Variants in LRRC49 observed in about 807,000 individuals in gnomAD.
The protein encoded by LRRC49 is leucine-rich repeat-containing protein 49.
LRRC49 carries 50 observed loss-of-function variants against 83.3 expected under a neutral mutation model. The ratio of observed to expected loss-of-function variants is 0.60; its 90% CI spans 0.48 to 0.76. The LOEUF (loss-of-function observed/expected upper bound fraction) is 0.76, where lower values mean the gene tolerates loss of function less well. Among genes scored for constraint, LRRC49 ranks in the 30% least tolerant of loss-of-function variants. LRRC49 has a pLI of 0.00. For synonymous variants in LRRC49, 286 were observed against 283.3 expected (o/e 1.01, Z -0.10); for missense variants, 704 against 809.1 (o/e 0.87, Z 1.58).
intron 15 of LRRC49, among the ~76,000 whole-genome samples, chr15:71,040,926 G>A (rs1372996475): frequency 6.6e-6 from 1 of 151,866 alleles, no homozygotes; most frequent in African/African-American, 2.4e-5. Context: ...GCAGGGAACT[G>A]CAAGAAGCTT....
intron 6 of LRRC49, among the ~76,000 whole-genome samples, chr15:70,915,648 T>C (rs2034742456): frequency 6.6e-6 from 1 of 152,228 alleles, no homozygotes; most frequent in Non-Finnish European, 1.5e-5. Context: ...CAGTATCTAT[T>C]TTCCTTTTTA....
At chr15:70,883,857 T>C (rs796298865) in intron 2 of LRRC49, among the ~76,000 whole-genome samples, 4 of 151,986 alleles carry the variant, frequency 2.6e-5, no homozygotes, top group African/African-American at 9.6e-5. Flanking sequence ...TGTTTCACCA[T>C]GGTAACCAGG....
intron 2 of LRRC49, among the ~76,000 whole-genome samples, chr15:70,885,856 G>T (rs928361801): frequency 1.3e-5 from 2 of 152,178 alleles, no homozygotes; most frequent in Admixed American, 6.5e-5. Context: ...ATAGACATCA[G>T]TGGAACACTA....
At chr15:70,959,291 A>G (rs914072037) in intron 8 of LRRC49, among the ~76,000 whole-genome samples, 4 of 152,046 alleles carry the variant, frequency 2.6e-5, no homozygotes, top group Admixed American at 1.3e-4. Context: ...TCAGGAGTTC[A>G]AGACCAGCCT....
At chr15:71,013,354 G>A (rs1021464763) in intron 14 of LRRC49, among the ~76,000 whole-genome samples, 1 of 152,200 alleles carries the variant, frequency 6.6e-6, no homozygotes, top group African/African-American at 2.4e-5. Context: ...ATGAATAAAT[G>A]ATAGGAAATG....
At chr15:70,992,365 T>C (rs2037914163) in intron 11 of LRRC49, among the ~76,000 whole-genome samples, 1 of 152,222 alleles carries the variant, frequency 6.6e-6, no homozygotes, top group Non-Finnish European at 1.5e-5. Flanking sequence ...CTGCGTTCCT[T>C]TGGAGGGGGA....
intron 11 of LRRC49, among the ~76,000 whole-genome samples, chr15:71,008,040 G>T (rs1225435800): frequency 6.6e-6 from 1 of 151,750 alleles, no homozygotes; most frequent in Non-Finnish European, 1.5e-5. Context: ...TTTATAGATT[G>T]GGAAAACCTA....
intron 1 of LRRC49, among the ~76,000 whole-genome samples, chr15:70,863,692 G>A (rs1161422772): frequency 6.6e-6 from 1 of 152,240 alleles, no homozygotes; most frequent in African/African-American, 2.4e-5. Flanking sequence ...GGGGGACAGA[G>A]TAGCGTCTGA....
At chr15:70,890,099 G>C (rs375626002), upstream of LRRC49, among the ~76,000 whole-genome samples, 2 of 152,228 alleles carry the variant, frequency 1.3e-5, no homozygotes, top group South Asian at 4.1e-4. Context: ...GTTTCCCAAC[G>C]GTTAGTTTTT....
intron 8 of LRRC49, among the ~76,000 whole-genome samples, chr15:70,949,800 ATTTTG>A (rs909632744): frequency 5.3e-5 from 8 of 152,048 alleles, no homozygotes; most frequent in African/African-American, 7.2e-5. Context: ...TATATTTTAT[ATTTTG>A]TTTTTATTTA....
chr15:71,033,839 A>C (rs991262414), intron 14 of LRRC49, among the ~76,000 whole-genome samples: 1 of 152,224 alleles, frequency 6.6e-6, no homozygotes, highest in Non-Finnish European at 1.5e-5. Flanking sequence ...AGCCATATGC[A>C]GAAAATTGAA....
intron 2 of LRRC49, among the ~76,000 whole-genome samples, chr15:70,874,259 C>T (rs2033108776): frequency 6.6e-6 from 1 of 152,130 alleles, no homozygotes; most frequent in Non-Finnish European, 1.5e-5. Flanking sequence ...AAACCCATCC[C>T]TGCTGGTTTA....
intron 14 of LRRC49, among the ~76,000 whole-genome samples, chr15:71,020,260 G>T (rs138074668): frequency 6.6e-6 from 1 of 152,300 alleles, no homozygotes; most frequent in East Asian, 1.9e-4. Context: ...GACTAGAAGA[G>T]ATTTTCTGGA....
intron 14 of LRRC49, among the ~76,000 whole-genome samples, chr15:71,019,301 C>T (rs2038923051): frequency 6.6e-6 from 1 of 152,162 alleles, no homozygotes; most frequent in African/African-American, 2.4e-5. Context: ...GCTCACACAC[C>T]CCAGTTACCA....
intron 13 of LRRC49, 62 bp downstream of exon 13, chr15:71,010,054 T>C: frequency 9.7e-7 from 1 of 1,035,460 alleles, no homozygotes; most frequent in South Asian, 2.7e-5. Flanking sequence ...AAATAGTTAC[T>C]TTAAATGTTT....
At chr15:70,872,708 A>C (rs1375602561) in intron 1 of LRRC49, among the ~76,000 whole-genome samples, 1 of 152,102 alleles carries the variant, frequency 6.6e-6, no homozygotes, top group Non-Finnish European at 1.5e-5. Flanking sequence ...GAGAAAATTG[A>C]GACCAGACAA....
At chr15:70,933,539 T>C (rs1389122742) in intron 7 of LRRC49, among the ~76,000 whole-genome samples, 1 of 152,234 alleles carries the variant, frequency 6.6e-6, no homozygotes, top group Non-Finnish European at 1.5e-5. Flanking sequence ...CCATTTCCAC[T>C]TTCCCTGTCA....
chr15:71,000,163 T>C (rs759707228), intron 11 of LRRC49, among the ~76,000 whole-genome samples: 1 of 152,344 alleles, frequency 6.6e-6, no homozygotes, highest in Non-Finnish European at 1.5e-5. Context: ...ATTAAGTGTT[T>C]CCCTGGTTTT....
intron 9 of LRRC49, among the ~76,000 whole-genome samples, chr15:70,969,969 T>G (rs965418654): frequency 1.3e-5 from 2 of 152,160 alleles, no homozygotes; most frequent in Non-Finnish European, 2.9e-5. Context: ...ACCCTTTATT[T>G]CTTTCTCTTG....
Sources: gnomAD v4.1 joint callset for allele counts (sites outside exome capture counted in the v4.1 genomes callset) on GRCh38, gnomAD v4.1.1 for gene constraint, MANE v1.5 for transcripts, NCBI Gene and HGNC (gene_info 2026-07-23, HGNC 2026-07-21) for gene names.